UBA52: variants seen among roughly 807,000 people sequenced by gnomAD.
UBA52 encodes the protein ubiquitin-ribosomal protein eL40 fusion protein.
A neutral mutation model predicts 15.3 loss-of-function variants in UBA52; 1 was observed. The ratio of observed to expected loss-of-function variants is 0.07; its 90% CI spans 0.02 to 0.31. The LOEUF (loss-of-function observed/expected upper bound fraction) is 0.31. UBA52 is among the 10% of genes least tolerant of loss of function. UBA52 has a pLI of 1.00. For missense variants in UBA52, 87 were observed against 168.0 expected, an observed-to-expected ratio of 0.52 and a Z score of 2.66; for synonymous variants, 50 against 58.3, an observed-to-expected ratio of 0.86 and a Z score of 0.65.
chr19:18,575,207 C>T lies in UBA52; in HGVS notation c.*57C>T, dbSNP rs754711062. 10 of 1,600,178 alleles carry T rather than the reference C, an allele frequency of 6.2e-6. No homozygotes were observed. In the South Asian group the frequency reaches 8.8e-5, roughly 14 times the overall value. ...CCCAGGCCCCGTGGCCCTGGAGCCTCAATAAAGTGTCCCTTTCATTGACTG... is the reference window on the plus strand; with the variant it reads ...CCCAGGCCCCGTGGCCCTGGAGCCTTAATAAAGTGTCCCTTTCATTGACTG... On this transcript the variant is annotated 3_prime_UTR_variant, in exon 5 of 5. Transcript: ENST00000442744.
the UBA52 span, among the ~76,000 whole-genome samples, chr19:18,564,630 G>A: frequency 1.3e-5 from 2 of 152,102 alleles, no homozygotes; most frequent in Non-Finnish European, 2.9e-5. Flanking sequence ...CTCAAAAAAA[G>A]TCTGACTGAA....
rs146010634 is a variant in UBA52 at position 18,574,952 on chromosome 19, C to T, written c.273C>T (p.Cys91=). 49 of 1,614,048 alleles carry T rather than the reference C, an allele frequency of 3.0e-5. No homozygotes were observed. Among genetic ancestry groups the T allele is most frequent in the Middle Eastern group, 1.6e-4 (1 of 6,084 alleles). ...GCCAGCTTGCCCAGAAATACAACTG[C>T]GACAAGATGATCTGCCGCAAGTATG... ...SLRQLAQKYN[C]DKMICRKCYA... is the part of the protein sequence containing the mutation. Residue 91 remains cysteine, a synonymous_variant, in exon 4 of 5, where the codon TGC becomes TGT. Transcript: ENST00000442744.
At chr19:18,564,758 C>G in the UBA52 span, 1 of 1,207,144 alleles carries the variant, frequency 8.3e-7, no homozygotes, top group Non-Finnish European at 1.2e-6. Context: ...GGGAACAGCC[C>G]ATGCAAAGGT....
the UBA52 span, chr19:18,565,130 C>T: frequency 1.3e-6 from 2 of 1,522,582 alleles, no homozygotes; most frequent in Admixed American, 2.0e-5. Flanking sequence ...GTTTGTTTTA[C>T]AAGGCTTCAC....
intron 2 of UBA52, 54 bp downstream of exon 2, chr19:18,573,457 C>T: frequency 6.7e-7 from 1 of 1,482,706 alleles, no homozygotes; most frequent in Non-Finnish European, 9.4e-7. Context: ...TCCCTCTCTG[C>T]CCAGGGGAGT....
Position 18,575,157 on chromosome 19 carries a change from T to G in UBA52, c.*7T>G. The G allele has an allele frequency of 6.2e-7, 1 of 1,614,132 alleles. No individual in the cohort carries two copies. The highest frequency in any genetic ancestry group is 8.5e-7 in the Non-Finnish European group (1 of 1,180,018). On this transcript the variant is annotated 3_prime_UTR_variant, in exon 5 of 5. Transcript: ENST00000442744. ...CAAGAAGAAGGTCAAATAAGGTGGT[T>G]CTTTCCTTGAAGGGCAGCCTCCTGC...
the UBA52 span, among the ~76,000 whole-genome samples, chr19:18,564,179 C>G: frequency 6.6e-6 from 1 of 152,070 alleles, no homozygotes; most frequent in Non-Finnish European, 1.5e-5. Context: ...GCCCCCATGC[C>G]CGGCTGGTCT....
intron 2 of UBA52, 117 bp downstream of exon 2, chr19:18,573,520 C>T: frequency 2.3e-6 from 3 of 1,289,808 alleles, no homozygotes; most frequent in East Asian, 4.8e-5. Flanking sequence ...CCTTGCTTCT[C>T]CATGTGATCT....
At position 18,573,061 on chromosome 19, in the gene UBA52, G is replaced by A. The variant is rs1600617138; in HGVS notation, c.-8-232G>A. ...CTGAAGAGCACCCGTGCGGTCAGGAGGGTGGAGGACATGTGGTCTTTAGTT... is the reference window on the plus strand; with the variant it reads ...CTGAAGAGCACCCGTGCGGTCAGGAAGGTGGAGGACATGTGGTCTTTAGTT... On this transcript the variant is annotated intron_variant, in intron 1 of 4. Coordinates refer to ENST00000442744, the MANE Select transcript of UBA52 (RefSeq NM_001033930.3). The A allele has an allele frequency of 6.0e-6, 8 of 1,325,990 alleles. No homozygotes were observed. The South Asian group carries it at 6.2e-5, about 10-fold the overall frequency. 82.1% of individuals were successfully genotyped at this position (1,325,990 alleles called of 1,614,324 possible).
chr19:18,565,228 GA>G, the UBA52 span: 29 of 1,194,418 alleles, frequency 2.4e-5, no homozygotes, highest in South Asian at 5.0e-4. Context: ...GATCGAGACA[GA>G]GTTTTTTTTT....
In UBA52 at chr19:18,575,089, A is replaced by G. The variant is rs1221168576; in HGVS notation, c.326A>G (p.Asn109Ser). ...GCTCGCCTTCACCCTCGTGCTGTCA[A>G]CTGCCGCAAGAAGAAGTGTGGTCAC... is the stretch of plus-strand genomic sequence containing the variant. ...CYARLHPRAV[N>S]CRKKKCGHTN... is the part of the protein sequence containing the mutation. Residue 109 changes from asparagine to serine, a missense_variant, in exon 5 of 5, where the codon AAC (asparagine) becomes AGC (serine). Physicochemically the swap from Asn to Ser is conservative, Grantham distance 46. Coordinates refer to ENST00000442744, the MANE Select transcript of UBA52 (RefSeq NM_001033930.3). 11 of 1,614,110 alleles carry G rather than the reference A, an allele frequency of 6.8e-6. No individual in the cohort carries two copies. The highest frequency in any genetic ancestry group is 1.3e-5 in the African/African-American group (1 of 74,936).
At chr19:18,568,834 T>C, upstream of UBA52, 1 of 586,800 alleles carries the variant, frequency 1.7e-6, no homozygotes, top group Non-Finnish European at 3.0e-6. Context: ...CCTCAGAACA[T>C]CTCTATTCTG....
chr19:18,575,188 C>A lies in UBA52; in HGVS notation c.*38C>A. 1.2e-6 allele frequency: 2 copies of A among 1,611,194 alleles called. No homozygotes were observed. The highest frequency in any genetic ancestry group is 1.7e-6 in the Non-Finnish European group (2 of 1,177,942). On this transcript the variant is annotated 3_prime_UTR_variant, in exon 5 of 5. Coordinates refer to ENST00000442744, the MANE Select transcript of UBA52 (RefSeq NM_001033930.3). ...CTTGAAGGGCAGCCTCCTGCCCAGG[C>A]CCCGTGGCCCTGGAGCCTCAATAAA...
At chr19:18,573,152 T>G in intron 1 of UBA52, 141 bp from the exon 2 acceptor site, 1 of 1,102,878 alleles carries the variant, frequency 9.1e-7, no homozygotes, top group Non-Finnish European at 1.3e-6. Flanking sequence ...CTTGGAGGAG[T>G]GAAAGGAAGA....
At chr19:18,567,208 A>G (rs1975287901), upstream of UBA52, 2 of 1,610,364 alleles carry the variant, frequency 1.2e-6, no homozygotes, top group Admixed American at 1.7e-5. Context: ...CCTGCTCCCG[A>G]GCACGTCAGC....
chr19:18,570,776 C>T (rs1975453058), upstream of UBA52, among the ~76,000 whole-genome samples: 1 of 151,782 alleles, frequency 6.6e-6, no homozygotes, highest in Admixed American at 6.6e-5. Context: ...CAACCTCTGC[C>T]TCCCGGGTTC....
chr19:18,572,902 C>T lies in UBA52; in HGVS notation c.-8-391C>T, dbSNP rs41292111. On this transcript the variant is annotated intron_variant, in intron 1 of 4. Transcript: ENST00000442744. ...CCTGTGCAGATCAGGACCTGGCTGCCGTGGAAGAGGGTGGGACCGCCTTCA... is the reference window on the plus strand; with the variant it reads ...CCTGTGCAGATCAGGACCTGGCTGCTGTGGAAGAGGGTGGGACCGCCTTCA... 926 of 1,083,898 alleles carry T rather than the reference C, an allele frequency of 8.5e-4. 10 individuals are homozygous for T. In the African/African-American group the frequency reaches 0.012, roughly 14 times the overall value. 67.1% of individuals were successfully genotyped at this position (1,083,898 alleles called of 1,614,324 possible).
rs777580931 is a variant in UBA52 at position 18,574,970 on chromosome 19, C to T, written c.291C>T (p.Arg97=). 1 of 1,614,082 alleles carries T rather than the reference C, an allele frequency of 6.2e-7. No homozygotes were observed. The highest frequency in any genetic ancestry group is 8.5e-7 in the Non-Finnish European group (1 of 1,180,040). Reference sequence around the variant, plus strand: ...ACAACTGCGACAAGATGATCTGCCGCAAGTATGTGTGCTCCGATGCTTGGG... The same window carrying T: ...ACAACTGCGACAAGATGATCTGCCGTAAGTATGTGTGCTCCGATGCTTGGG... ...QKYNCDKMIC[R]KCYARLHPRA... is the part of the protein sequence containing the mutation. The change falls in exon 4 of 5, where the codon CGC becomes CGT. Residue 97 remains arginine (R), a splice_region_variant and synonymous_variant. Transcript: ENST00000442744.
rs149754157 is a variant in UBA52, at chr19:18,574,317, A to G, written c.191-553A>G. On this transcript the variant is annotated intron_variant, in intron 3 of 4. Transcript: ENST00000442744. ...ATTCAGTGTCCTTTTTTTGTGAGAC[A>G]GAGTCTTACTCTGTCACCCAGGCTG... 9.3e-3 allele frequency among the ~76,000 whole-genome samples: 1,406 copies of G among 151,942 alleles called. 29 individuals carry two copies. The highest frequency in any genetic ancestry group is 0.031 in the African/African-American group (1,304 of 41,474).
Sources: allele counts gnomAD v4.1 joint callset (sites outside exome capture counted in the v4.1 genomes callset), GRCh38; gene constraint gnomAD v4.1.1; transcripts MANE v1.5; gene names NCBI Gene and HGNC (gene_info 2026-07-23, HGNC 2026-07-21).